The following TENM3 variants were observed in gnomAD, a reference collection of about 807,000 sequenced individuals.
TENM3 encodes teneurin transmembrane protein 3, also known as teneurin-3.
Under a neutral mutation model 255.1 loss-of-function variants are expected in TENM3, and 63 were observed. That is an observed-to-expected ratio of 0.25 (90% CI 0.20 to 0.30). The LOEUF (loss-of-function observed/expected upper bound fraction) is 0.30, where lower values mean the gene tolerates loss of function less well. Among genes scored for constraint, TENM3 ranks in the 10% least tolerant of loss-of-function variants. The pLI, the probability that TENM3 is intolerant of heterozygous loss-of-function variation, is 1.00. For missense variants in TENM3, 2,929 were observed against 3,461.1 expected (o/e 0.85, Z 3.86); for synonymous variants, 1,306 against 1,322.3 (o/e 0.99, Z 0.27).
At chr4:181,812,477 G>A in the TENM3 span, among the ~76,000 whole-genome samples, 6 of 152,292 alleles carry the variant, frequency 3.9e-5, no homozygotes, top group African/African-American at 4.8e-5. Flanking sequence ...TAGAGAGTTC[G>A]ACCCAAAGGG....
At chr4:182,331,126 G>GCA in intron 2 of TENM3, among the ~76,000 whole-genome samples, 1 of 152,136 alleles carries the variant, frequency 6.6e-6, no homozygotes, top group East Asian at 1.9e-4. Context: ...GGATTGACTA[G>GCA]CAGTCTGACC....
At chr4:181,986,073 C>T in the TENM3 span, among the ~76,000 whole-genome samples, 3 of 152,066 alleles carry the variant, frequency 2.0e-5, no homozygotes, top group Non-Finnish European at 4.4e-5. Context: ...GTTGGCTGAA[C>T]GACCAAGGGT....
At position 182,789,426 on chromosome 4, in the gene TENM3, A is replaced by G. The variant is rs1297958648; in HGVS notation, c.5601+37A>G. On this transcript the variant is annotated intron_variant, in intron 25 of 27. Coordinates refer to ENST00000511685, the MANE Select transcript of TENM3 (RefSeq NM_001080477.4). This position sits in a 1 kb window ranked among gnomAD's most constrained non-coding sequence, Gnocchi z 4.4. ...AACTAAGCTCAACAATAGGGAAAGG[A>G]TAATTCACATTTTTCAGCAATCATC... 20 of 1,569,390 alleles carry G rather than the reference A, an allele frequency of 1.3e-5. No individual in the cohort carries two copies. Among genetic ancestry groups the G allele is most frequent in the Non-Finnish European group, 1.6e-5 (19 of 1,151,560 alleles).
intron 3 of TENM3, among the ~76,000 whole-genome samples, chr4:182,553,683 C>T (rs1019147776): frequency 1.3e-5 from 2 of 152,190 alleles, no homozygotes; most frequent in African/African-American, 4.8e-5. Context: ...AATGCCTCCT[C>T]TCATTTAGAT....
intron 24 of TENM3, among the ~76,000 whole-genome samples, chr4:182,776,885 C>T (rs1260436384): frequency 6.6e-6 from 1 of 152,194 alleles, no homozygotes; most frequent in Non-Finnish European, 1.5e-5. Context: ...TGTGCCATCC[C>T]ACTGAAAGGA....
the TENM3 span, among the ~76,000 whole-genome samples, chr4:181,852,605 T>C: frequency 2.0e-5 from 3 of 152,224 alleles, no homozygotes; most frequent in East Asian, 3.9e-4. Flanking sequence ...TAAATGTCAG[T>C]TATTCCTTTG....
chr4:182,185,443 A>G (rs1266959173), intron 1 of TENM3, among the ~76,000 whole-genome samples: 1 of 152,234 alleles, frequency 6.6e-6, no homozygotes, highest in African/African-American at 2.4e-5. Flanking sequence ...AGTCACTCTG[A>G]ATCTTTGGCT....
At chr4:182,588,745 T>C (rs1409121859) in intron 3 of TENM3, among the ~76,000 whole-genome samples, 1 of 152,210 alleles carries the variant, frequency 6.6e-6, no homozygotes, top group Non-Finnish European at 1.5e-5. Flanking sequence ...ATGTTTCTGT[T>C]AGAAATGATT....
chr4:181,992,226 A>C, the TENM3 span, among the ~76,000 whole-genome samples: 7 of 152,140 alleles, frequency 4.6e-5, no homozygotes, highest in Admixed American at 2.0e-4. Context: ...TTTCTCTTGC[A>C]CTCAATTTAT....
At chr4:182,503,704 A>C (rs1580764458) in intron 3 of TENM3, among the ~76,000 whole-genome samples, 1 of 151,748 alleles carries the variant, frequency 6.6e-6, no homozygotes. Context: ...TAGCCAATGC[A>C]CTTAAAGCTT....
intron 6 of TENM3, among the ~76,000 whole-genome samples, chr4:182,667,992 A>G (rs900589522): frequency 1.3e-5 from 2 of 151,940 alleles, no homozygotes; most frequent in Admixed American, 6.6e-5. Flanking sequence ...AATTAAAAAG[A>G]AAAGCATTCT....
intron 1 of TENM3, among the ~76,000 whole-genome samples, chr4:182,244,200 G>C (rs971883378): frequency 6.6e-6 from 1 of 151,796 alleles, no homozygotes; most frequent in South Asian, 2.1e-4. Context: ...TGATCCGCCC[G>C]CCTCGGCCTC....
the TENM3 span, among the ~76,000 whole-genome samples, chr4:181,599,478 A>G: frequency 7.2e-5 from 11 of 152,368 alleles, no homozygotes; most frequent in African/African-American, 2.4e-4. Flanking sequence ...GGACAATAAG[A>G]GAGACACTGA....
At chr4:181,926,767 A>T in the TENM3 span, among the ~76,000 whole-genome samples, 81 of 152,176 alleles carry the variant, frequency 5.3e-4, no homozygotes, top group African/African-American at 1.9e-3. Context: ...TCCCAGGAAG[A>T]TCAATACAGA....
At chr4:181,468,288 A>G in the TENM3 span, among the ~76,000 whole-genome samples, 5 of 152,224 alleles carry the variant, frequency 3.3e-5, no homozygotes, top group Non-Finnish European at 7.3e-5. Flanking sequence ...AATTAAAATT[A>G]AAATTAAAAA....
the TENM3 span, among the ~76,000 whole-genome samples, chr4:181,525,330 G>A: frequency 6.7e-6 from 1 of 150,262 alleles, no homozygotes; most frequent in Non-Finnish European, 1.5e-5. Flanking sequence ...CCAGGAAGTG[G>A]AGGTTGCAGT....
intron 3 of TENM3, among the ~76,000 whole-genome samples, chr4:182,457,315 T>G (rs556591073): frequency 6.6e-6 from 1 of 152,126 alleles, no homozygotes; most frequent in South Asian, 2.1e-4. Context: ...TAATCCAGAC[T>G]GGACATTTTC....
At chr4:182,540,206 A>G (rs1740724480) in intron 3 of TENM3, among the ~76,000 whole-genome samples, 1 of 152,220 alleles carries the variant, frequency 6.6e-6, no homozygotes, top group African/African-American at 2.4e-5. Context: ...TTATGAAGCC[A>G]TGGTGGAGGG....
At chr4:182,187,232 A>T (rs1368498625) in intron 1 of TENM3, among the ~76,000 whole-genome samples, 1 of 152,210 alleles carries the variant, frequency 6.6e-6, no homozygotes, top group Non-Finnish European at 1.5e-5. Flanking sequence ...TCTTTTGAAG[A>T]AAAACAACAT....
Sources: gnomAD v4.1 joint callset for allele counts (sites outside exome capture counted in the v4.1 genomes callset) on GRCh38, gnomAD v4.1.1 for gene constraint, Gnocchi (gnomAD v3.1) non-coding constraint, MANE v1.5 for transcripts, NCBI Gene and HGNC (gene_info 2026-07-23, HGNC 2026-07-21) for gene names.